The following KPNB1 variants were observed in gnomAD, a reference collection of about 807,000 sequenced individuals.
KPNB1 encodes importin subunit beta-1.
In KPNB1, 7 loss-of-function variants were observed where a neutral mutation model predicts 113.0. The ratio of observed to expected loss-of-function variants is 0.06; its 90% confidence interval spans 0.04 to 0.12. KPNB1 has a LOEUF of 0.12. KPNB1 is among the 10% of genes least tolerant of loss of function. The probability of loss-of-function intolerance (pLI) is 1.00; values close to 1 mark genes in which losing one functional copy is unlikely to be tolerated. For synonymous variants in KPNB1, 363 were observed against 378.6 expected (o/e 0.96, Z 0.48); for missense variants, 400 against 1,054.8 (o/e 0.38, Z 8.60).
In KPNB1 at chr17:47,684,488, AATG is replaced by A. The variant is rs1337722022; in HGVS notation, c.*2088_*2090del. 5.9e-5 allele frequency: 9 copies of A among 152,168 alleles called. No individual in the cohort carries two copies. The highest frequency in any genetic ancestry group is 2.2e-4 in the African/African-American group (9 of 41,402). The allele number at this position is 152,168 out of a possible 1,614,324, so 9.4% of individuals were successfully genotyped here. ...ATTTCAGTTGTTCTTTGAGAGACAG[AATG>A]ATGTACTAACCATTCGTGATTATTA... On this transcript the variant is annotated 3_prime_UTR_variant, in exon 22 of 22. Coordinates refer to ENST00000290158, the MANE Select transcript of KPNB1 (RefSeq NM_002265.6).
intron 13 of KPNB1, among the ~76,000 whole-genome samples, 155 bp downstream of exon 13, chr17:47,673,320 G>A (rs2030504373): frequency 6.6e-6 from 1 of 152,244 alleles, no homozygotes; most frequent in South Asian, 2.1e-4. Context: ...GCACCTTAAC[G>A]TTAGCATTGT....
In KPNB1 at chr17:47,682,773, GGGA is replaced by G; in HGVS notation, c.*378_*380del. ...GTGCCGAGTGGAATGCCTGGTTTGGGGGAGGAGGAGGGACTGGGTTCAGCTGTG... is the reference window on the plus strand; with the variant it reads ...GTGCCGAGTGGAATGCCTGGTTTGGGGGAGGAGGGACTGGGTTCAGCTGTG... On this transcript the variant is annotated 3_prime_UTR_variant, in exon 22 of 22. Coordinates refer to ENST00000290158, the MANE Select transcript of KPNB1 (RefSeq NM_002265.6). 2 of 277,848 alleles carry G rather than the reference GGGA, an allele frequency of 7.2e-6. No homozygotes were observed. Among genetic ancestry groups the G allele is most frequent in the East Asian group, 8.6e-5 (1 of 11,602 alleles). The allele number at this position is 277,848 out of a possible 1,614,324, so 17.2% of individuals were successfully genotyped here.
At chr17:47,652,670 T>G in intron 2 of KPNB1, 24 bp from the exon 3 acceptor site, 1 of 1,504,002 alleles carries the variant, frequency 6.6e-7, no homozygotes, top group Non-Finnish European at 8.9e-7. Flanking sequence ...TATTTTTATT[T>G]ACAAATTTAT....
At chr17:47,676,961 T>C in intron 16 of KPNB1, 59 bp from the exon 17 acceptor site, 1 of 1,309,414 alleles carries the variant, frequency 7.6e-7, no homozygotes. Flanking sequence ...TTAAAAATAA[T>C]ATCTTGCCCC....
At position 47,683,098 on chromosome 17, in the gene KPNB1, A is replaced by AC. The variant is rs1383256747; in HGVS notation, c.*694_*695insC. The AC allele has an allele frequency of 6.8e-6, 1 of 146,264 alleles. No individual in the cohort carries two copies. Among genetic ancestry groups the AC allele is most frequent in the African/African-American group, 2.5e-5 (1 of 39,980 alleles). The allele number at this position is 146,264 out of a possible 1,614,324, so 9.1% of individuals were successfully genotyped here. The stretch of plus-strand genomic sequence containing the variant: ...ATGCAGCACAAGAGATGTAAAAAAA[A>AC]AAAAAAAAAAAAAAAAAAAAACACA... On this transcript the variant is annotated 3_prime_UTR_variant, in exon 22 of 22. Transcript: ENST00000290158.
In KPNB1 at chr17:47,684,666, A is replaced by G. The variant is rs2030889774; in HGVS notation, c.*2262A>G. 6.6e-6 allele frequency: 1 copy of G among 152,486 alleles called. No homozygotes were observed. Among genetic ancestry groups the G allele is most frequent in the South Asian group, 2.1e-4 (1 of 4,818 alleles). The allele number at this position is 152,486 out of a possible 1,614,324, so 9.4% of individuals were successfully genotyped here. A position where few individuals can be genotyped will look rare whatever the true frequency, so the allele number is the denominator to read the frequency against. ...TAAAGTACACCGAGAACCATAATGA[A>G]AAAACCTTCCGTGTGTTTTGTCATG... On this transcript the variant is annotated 3_prime_UTR_variant, in exon 22 of 22. Transcript: ENST00000290158.
intron 9 of KPNB1, among the ~76,000 whole-genome samples, chr17:47,666,688 G>T (rs367767547): frequency 6.7e-6 from 1 of 150,336 alleles, no homozygotes; most frequent in South Asian, 2.1e-4. Context: ...GTGCGACCTC[G>T]GCTCACTGTA....
intron 5 of KPNB1, among the ~76,000 whole-genome samples, chr17:47,660,278 A>AT (rs1415024219): frequency 6.6e-6 from 1 of 152,188 alleles, no homozygotes; most frequent in Non-Finnish European, 1.5e-5. Context: ...AAGGGGTAGC[A>AT]TTTGTCAAAA....
chr17:47,679,697 T>C lies in KPNB1; in HGVS notation c.2354-323T>C, dbSNP rs1216199302. Among the ~76,000 whole-genome samples, 5 of 152,054 alleles carry C rather than the reference T, an allele frequency of 3.3e-5. No individual in the cohort carries two copies. The South Asian group carries it at 6.2e-4, about 19-fold the overall frequency. On this transcript the variant is annotated intron_variant, in intron 19 of 21. Transcript: ENST00000290158. ...GCTGCATCAGACCTTCTCTCTCTTT[T>C]TTTTTTCTTTTTTTTTTGAGATGGA...
chr17:47,661,686 T>C (rs2143115589), intron 6 of KPNB1, among the ~76,000 whole-genome samples: 1 of 152,074 alleles, frequency 6.6e-6, no homozygotes. Flanking sequence ...GTGTGGTGGC[T>C]CACACTATAA....
Position 47,678,334 on chromosome 17 carries a change from G to C in KPNB1, c.2274G>C (p.Leu758=), listed in dbSNP as rs775668875. 4 of 1,614,020 alleles carry C rather than the reference G, an allele frequency of 2.5e-6. No homozygotes were observed. The East Asian group carries it at 8.9e-5, about 36-fold the overall frequency. ...CAGACTATGACATGGTGGATTATCT[G>C]AATGAGCTAAGGGAAAGCTGCTTGG... is the stretch of plus-strand genomic sequence containing the variant. ...DKSDYDMVDY[L]NELRESCLEA... Residue 758 remains leucine, a synonymous_variant, in exon 19 of 22, where the codon CTG becomes CTC. Coordinates refer to ENST00000290158, the MANE Select transcript of KPNB1 (RefSeq NM_002265.6).
At chr17:47,671,388 G>T (rs1348541195) in intron 12 of KPNB1, among the ~76,000 whole-genome samples, 3 of 152,184 alleles carry the variant, frequency 2.0e-5, no homozygotes, top group East Asian at 3.8e-4. Context: ...TGCTTTCTTT[G>T]TAGAGAGTAA....
intron 5 of KPNB1, among the ~76,000 whole-genome samples, 167 bp from the exon 6 acceptor site, chr17:47,660,952 C>A (rs1382732338): frequency 6.6e-6 from 1 of 152,154 alleles, no homozygotes; most frequent in African/African-American, 2.4e-5. Context: ...TCTTTATAGC[C>A]TTTATAGTGC....
Position 47,650,203 on chromosome 17 carries a change from GC to G in KPNB1, c.-40del, listed in dbSNP as rs752267062. 9.8e-5 allele frequency: 145 copies of G among 1,484,548 alleles called. No homozygotes were observed. The African/African-American group carries it at 2.1e-3, about 22-fold the overall frequency. 92.0% of individuals were successfully genotyped at this position (1,484,548 alleles called of 1,614,324 possible). On this transcript the variant is annotated 5_prime_UTR_variant, in exon 1 of 22. Coordinates refer to ENST00000290158, the MANE Select transcript of KPNB1 (RefSeq NM_002265.6). ...TTCGAGCCGCCGCCCGAAAGGCCGG[GC>G]CGTCGTCTTAGGAGGAGTCGCCGCC...
In KPNB1 at chr17:47,652,674, A is replaced by G; in HGVS notation, c.100-20A>G. On this transcript the variant is annotated intron_variant, in intron 2 of 21. Transcript: ENST00000290158. ...AATTCCTAAGATATTTTTATTTACAAATTTATCTTCCCTTAACAGCCCACT... is the reference window on the plus strand; with the variant it reads ...AATTCCTAAGATATTTTTATTTACAGATTTATCTTCCCTTAACAGCCCACT... 6.6e-7 allele frequency: 1 copy of G among 1,512,400 alleles called. No homozygotes were observed. Among genetic ancestry groups the G allele is most frequent in the South Asian group, 1.3e-5 (1 of 75,032 alleles). The allele number at this position is 1,512,400 out of a possible 1,614,324, so 93.7% of individuals were successfully genotyped here. A position where few individuals can be genotyped will look rare whatever the true frequency, so the allele number is the denominator to read the frequency against.
chr17:47,670,427 T>C (rs1406671652), intron 11 of KPNB1: 5 of 288,696 alleles, frequency 1.7e-5, no homozygotes. Context: ...TCAGACAGGA[T>C]TTCTGTGATT....
At chr17:47,651,028 G>GT (rs377279475) in intron 2 of KPNB1, among the ~76,000 whole-genome samples, 3 of 151,840 alleles carry the variant, frequency 2.0e-5, no homozygotes, top group African/African-American at 7.3e-5. Flanking sequence ...CTCTCTTGGG[G>GT]TTTTTTCTTT....
intron 2 of KPNB1, among the ~76,000 whole-genome samples, chr17:47,651,788 G>C (rs924865250): frequency 3.9e-5 from 6 of 152,134 alleles, no homozygotes; most frequent in African/African-American, 1.4e-4. Context: ...TGCTGTTTGG[G>C]CACGGTTTTT....
chr17:47,665,254 A>G, intron 9 of KPNB1, 96 bp downstream of exon 9: 4 of 895,036 alleles, frequency 4.5e-6, no homozygotes, highest in East Asian at 5.0e-5. Context: ...CAGCCCATCA[A>G]CTATTTGATG....
Sources: allele counts gnomAD v4.1 joint callset (sites outside exome capture counted in the v4.1 genomes callset), GRCh38; gene constraint gnomAD v4.1.1; transcripts MANE v1.5; gene names NCBI Gene and HGNC (gene_info 2026-07-23, HGNC 2026-07-21).